The following HOMER1 variants were observed in gnomAD, a reference collection of about 807,000 sequenced individuals.
The protein encoded by HOMER1 is homer scaffold protein 1.
In HOMER1, 3 loss-of-function variants were observed where a neutral mutation model predicts 48.9. That is an observed-to-expected ratio of 0.06 (90% CI 0.03 to 0.16). The LOEUF is 0.16. Among genes scored for constraint, HOMER1 ranks in the 10% least tolerant of loss-of-function variants. The pLI, the probability that HOMER1 is intolerant of heterozygous loss-of-function variation, is 1.00. For synonymous variants in HOMER1, 134 were observed against 146.4 expected, an observed-to-expected ratio of 0.92 and a Z score of 0.61; for missense variants, 247 against 411.4, an observed-to-expected ratio of 0.60 and a Z score of 3.46.
chr5:79,485,890 G>C (rs940909589), intron 1 of HOMER1, among the ~76,000 whole-genome samples: 2 of 152,198 alleles, frequency 1.3e-5, no homozygotes, highest in African/African-American at 4.8e-5. Context: ...AAGAGGTAGA[G>C]TCCATGTGCT....
chr5:79,476,816 A>C (rs1751792328), intron 1 of HOMER1, among the ~76,000 whole-genome samples: 1 of 152,168 alleles, frequency 6.6e-6, no homozygotes, highest in South Asian at 2.1e-4. Context: ...ACATGAATGA[A>C]GCATCGACAA....
At chr5:79,428,501 T>C (rs1017864761) in intron 5 of HOMER1, among the ~76,000 whole-genome samples, 1 of 152,094 alleles carries the variant, frequency 6.6e-6, no homozygotes, top group South Asian at 2.1e-4. Flanking sequence ...AAGTAAACTA[T>C]CTTTATTTAC....
chr5:79,460,694 A>G lies in HOMER1; in HGVS notation c.6-3676T>C, dbSNP rs562424211. On this transcript the variant is annotated intron_variant, in intron 1 of 8. Transcript: ENST00000334082. ...GGGACATTTCACAATGTCTGGACAC[A>G]GTTTTGGCTGTCACAATGAGGGAAA... Among the ~76,000 whole-genome samples the G allele has an allele frequency of 5.3e-5, 8 of 152,304 alleles. No homozygotes were observed. In the East Asian group the frequency reaches 1.4e-3, roughly 26 times the overall value.
chr5:79,431,276 T>C (rs1487187614), intron 5 of HOMER1, among the ~76,000 whole-genome samples: 2 of 152,036 alleles, frequency 1.3e-5, no homozygotes, highest in Non-Finnish European at 2.9e-5. Context: ...TGAGCCAAGA[T>C]TGCACCACTG....
intron 5 of HOMER1, among the ~76,000 whole-genome samples, chr5:79,405,525 C>G (rs1308294787): frequency 6.6e-6 from 1 of 152,158 alleles, no homozygotes; most frequent in Non-Finnish European, 1.5e-5. Context: ...TCTTCTCAAT[C>G]AGATTCTCAT....
At chr5:79,415,322 AG>A (rs757498690) in intron 5 of HOMER1, among the ~76,000 whole-genome samples, 20 of 152,110 alleles carry the variant, frequency 1.3e-4, no homozygotes, top group Middle Eastern at 6.8e-3. Flanking sequence ...AGCCTCCCAA[AG>A]GGTTGGCATT....
intron 1 of HOMER1, among the ~76,000 whole-genome samples, chr5:79,504,376 G>T (rs1752689428): frequency 8.6e-6 from 1 of 115,896 alleles, no homozygotes; most frequent in African/African-American, 3.2e-5. Flanking sequence ...AACAGAGTAA[G>T]AAAGAAAACA....
At chr5:79,484,732 A>G (rs146115177) in intron 1 of HOMER1, among the ~76,000 whole-genome samples, 1 of 152,204 alleles carries the variant, frequency 6.6e-6, no homozygotes, top group Non-Finnish European at 1.5e-5. Context: ...AATATCAATC[A>G]TAAGGTCTGC....
At chr5:79,406,387 T>C (rs1460073701) in intron 5 of HOMER1, among the ~76,000 whole-genome samples, 1 of 152,202 alleles carries the variant, frequency 6.6e-6, no homozygotes, top group East Asian at 1.9e-4. Context: ...TTTGGAGTGG[T>C]ACTTATGAGC....
rs77823764 is a variant in HOMER1 at position 79,426,173 on chromosome 5, G to C, written c.527+12837C>G. On this transcript the variant is annotated intron_variant, in intron 5 of 8. Transcript: ENST00000334082. Reference sequence around the variant, plus strand: ...GTGGAAAGTTTGCACCCTGTTGGTGGGAAAGGTATATTAGTACAGCCACTA... The same window carrying C: ...GTGGAAAGTTTGCACCCTGTTGGTGCGAAAGGTATATTAGTACAGCCACTA... Among the ~76,000 whole-genome samples the C allele has an allele frequency of 8.2e-3, 1,255 of 152,166 alleles. 14 individuals are homozygous for C. The highest frequency in any genetic ancestry group is 0.027 in the African/African-American group (1,120 of 41,538).
At chr5:79,425,870 T>C (rs1750234549) in intron 5 of HOMER1, among the ~76,000 whole-genome samples, 1 of 151,980 alleles carries the variant, frequency 6.6e-6, no homozygotes, top group South Asian at 2.1e-4. Flanking sequence ...CCTAAAATGA[T>C]CTAATTAGAA....
chr5:79,414,506 A>G (rs1749893328), intron 5 of HOMER1, among the ~76,000 whole-genome samples: 1 of 151,902 alleles, frequency 6.6e-6, no homozygotes, highest in Non-Finnish European at 1.5e-5. Flanking sequence ...CAGCCTCCGG[A>G]GTAGCTGGGA....
At chr5:79,484,663 C>A (rs1190851072) in intron 1 of HOMER1, among the ~76,000 whole-genome samples, 1 of 152,114 alleles carries the variant, frequency 6.6e-6, no homozygotes, top group African/African-American at 2.4e-5. Context: ...CCTTAAAAAT[C>A]ATTTTAAATA....
rs1217992654 is a variant in HOMER1 at position 79,372,930 on chromosome 5, C to T, written c.*3079G>A. On this transcript the variant is annotated 3_prime_UTR_variant, in exon 9 of 9. Coordinates refer to ENST00000334082, the MANE Select transcript of HOMER1 (RefSeq NM_004272.5). ...AAGTGAGCTTTTCCTCTAACTGCTT[C>T]CCAACAGTTCAATGACAGCAGAACA... The T allele has an allele frequency of 2.0e-5, 3 of 152,174 alleles. No individual in the cohort carries two copies. The East Asian group carries it at 5.8e-4, about 29-fold the overall frequency. 9.4% of individuals were successfully genotyped at this position (152,174 alleles called of 1,614,324 possible).
At chr5:79,495,692 G>T (rs144100737) in intron 1 of HOMER1, among the ~76,000 whole-genome samples, 9 of 152,226 alleles carry the variant, frequency 5.9e-5, no homozygotes, top group African/African-American at 2.2e-4. Flanking sequence ...CTTAGGTTTG[G>T]GTTGATGATC....
At chr5:79,470,438 A>G (rs1055702037) in intron 1 of HOMER1, among the ~76,000 whole-genome samples, 1 of 152,238 alleles carries the variant, frequency 6.6e-6, no homozygotes, top group Non-Finnish European at 1.5e-5. Flanking sequence ...GGCATAAAAA[A>G]TGCTTCTATT....
chr5:79,433,912 T>C (rs1750498237), intron 5 of HOMER1, among the ~76,000 whole-genome samples: 1 of 152,160 alleles, frequency 6.6e-6, no homozygotes, highest in South Asian at 2.1e-4. Context: ...TGATTATCTG[T>C]TGGAAACACA....
intron 5 of HOMER1, among the ~76,000 whole-genome samples, chr5:79,415,654 C>T (rs1409924327): frequency 1.3e-5 from 2 of 152,112 alleles, no homozygotes; most frequent in Non-Finnish European, 2.9e-5. Context: ...TTTTACTCAG[C>T]TCTGGTAAAG....
At chr5:79,490,749 TA>T (rs1752245430) in intron 1 of HOMER1, among the ~76,000 whole-genome samples, 1 of 136,982 alleles carries the variant, frequency 7.3e-6, no homozygotes, top group Non-Finnish European at 1.5e-5. Flanking sequence ...CTGGCCAGTA[TA>T]GCAAGACCCC....
Sources: allele counts gnomAD v4.1 joint callset (sites outside exome capture counted in the v4.1 genomes callset), GRCh38; gene constraint gnomAD v4.1.1; transcripts MANE v1.5; gene names NCBI Gene and HGNC (gene_info 2026-07-23, HGNC 2026-07-21).